NRXN3: variants seen among roughly 807,000 people sequenced by gnomAD.
NRXN3 encodes neurexin III.
A neutral mutation model predicts 137.6 loss-of-function variants in NRXN3; 32 were observed. That is an observed-to-expected ratio of 0.23 (90% CI 0.18 to 0.31). The LOEUF (loss-of-function observed/expected upper bound fraction) is 0.31, where lower values mean the gene tolerates loss of function less well. NRXN3 is among the 10% of genes least tolerant of loss of function. The probability of loss-of-function intolerance (pLI) is 1.00; values close to 1 mark genes in which losing one functional copy is unlikely to be tolerated. For missense variants in NRXN3, 1,574 were observed against 2,062.5 expected, an observed-to-expected ratio of 0.76 and a Z score of 4.59; for synonymous variants, 798 against 784.5, an observed-to-expected ratio of 1.02 and a Z score of -0.29.
intron 10 of NRXN3, among the ~76,000 whole-genome samples, chr14:78,921,879 T>TGAG (rs2099271808): frequency 6.6e-6 from 1 of 152,242 alleles, no homozygotes; most frequent in African/African-American, 2.4e-5. Context: ...ATTTGTAGTA[T>TGAG]GAGTTTCTTG....
intron 15 of NRXN3, among the ~76,000 whole-genome samples, chr14:79,342,655 G>T (rs2092671040): frequency 6.6e-6 from 1 of 152,156 alleles, no homozygotes; most frequent in Admixed American, 6.5e-5. Context: ...GTCCTACTCA[G>T]CTGCGTTATC....
Position 79,745,913 on chromosome 14 carries a change from C to T in NRXN3, c.4014+47976C>T, listed in dbSNP as rs561789184. The stretch of plus-strand genomic sequence containing the variant: ...TGTGCCCCTTTCTTCATATGGCTAT[C>T]TTCTTGTAAGACACTAGTTATATTG... On this transcript the variant is annotated intron_variant, in intron 19 of 20. Transcript: ENST00000335750. Among the ~76,000 whole-genome samples, 15 of 152,246 alleles carry T rather than the reference C, an allele frequency of 9.9e-5. No individual in the cohort carries two copies. In the East Asian group the frequency reaches 2.1e-3, roughly 22 times the overall value.
intron 15 of NRXN3, among the ~76,000 whole-genome samples, chr14:79,070,672 C>T (rs137906879): frequency 2.7e-3 from 406 of 152,116 alleles, no homozygotes; most frequent in Middle Eastern, 6.8e-3. Flanking sequence ...TTTGAATATC[C>T]CTCCCACTTC....
chr14:79,309,760 C>T (rs994070805), intron 15 of NRXN3, among the ~76,000 whole-genome samples: 9 of 149,230 alleles, frequency 6.0e-5, no homozygotes, highest in Admixed American at 2.0e-4. Flanking sequence ...ATGTCCTTCA[C>T]CCACTTTTTG....
intron 16 of NRXN3, among the ~76,000 whole-genome samples, chr14:79,518,703 T>A (rs1316687513): frequency 6.6e-6 from 1 of 152,192 alleles, no homozygotes; most frequent in African/African-American, 2.4e-5. Flanking sequence ...ATTTCTCTTG[T>A]TTAATTGCAT....
intron 4 of NRXN3, among the ~76,000 whole-genome samples, chr14:78,576,214 C>A (rs763131269): frequency 9.2e-5 from 14 of 152,082 alleles, no homozygotes; most frequent in Non-Finnish European, 1.9e-4. Context: ...CTGATCAGAC[C>A]TTTTCTCTTG....
At chr14:78,778,752 TTCTTTC>T (rs1378113228) in intron 8 of NRXN3, among the ~76,000 whole-genome samples, 7 of 123,452 alleles carry the variant, frequency 5.7e-5, no homozygotes, top group South Asian at 2.6e-4. Flanking sequence ...CTTTCTTTCC[TTCTTTC>T]TCTTTCTTTC....
At chr14:79,541,345 A>G (rs1429164479) in intron 16 of NRXN3, among the ~76,000 whole-genome samples, 1 of 152,172 alleles carries the variant, frequency 6.6e-6, no homozygotes, top group East Asian at 1.9e-4. Context: ...CGGAGGTTGC[A>G]GTGAGCCAAG....
intron 16 of NRXN3, among the ~76,000 whole-genome samples, chr14:79,473,373 A>G (rs1212333450): frequency 2.6e-5 from 4 of 152,132 alleles, no homozygotes; most frequent in African/African-American, 9.7e-5. Context: ...AAGCTGAATG[A>G]TGATGAATGG....
intron 1 of NRXN3, among the ~76,000 whole-genome samples, chr14:78,239,175 T>C (rs1278738929): frequency 2.0e-5 from 3 of 152,238 alleles, no homozygotes; most frequent in Non-Finnish European, 2.9e-5. Flanking sequence ...TCCAGCTCCA[T>C]GACGAGGCCC....
At chr14:78,385,567 G>A (rs2089849977) in intron 4 of NRXN3, among the ~76,000 whole-genome samples, 1 of 152,110 alleles carries the variant, frequency 6.6e-6, no homozygotes, top group African/African-American at 2.4e-5. Flanking sequence ...TATGATGAAT[G>A]TGCCTTATTT....
intron 4 of NRXN3, among the ~76,000 whole-genome samples, chr14:78,582,853 G>T (rs987240726): frequency 2.6e-5 from 4 of 152,170 alleles, no homozygotes; most frequent in African/African-American, 9.7e-5. Context: ...ATGCAAAGAA[G>T]GTCTTTGTTA....
At chr14:78,241,409 C>T (rs918244186) in intron 1 of NRXN3, among the ~76,000 whole-genome samples, 6 of 152,042 alleles carry the variant, frequency 3.9e-5, no homozygotes, top group African/African-American at 1.4e-4. Context: ...ATGGGGAGAT[C>T]AGAAGTTTGA....
chr14:79,091,049 A>G (rs1568257568), intron 15 of NRXN3, among the ~76,000 whole-genome samples: 1 of 149,352 alleles, frequency 6.7e-6, no homozygotes, highest in African/African-American at 2.5e-5. Flanking sequence ...GTGAGAAAAC[A>G]GTACCATATA....
intron 6 of NRXN3, among the ~76,000 whole-genome samples, chr14:78,665,839 G>A (rs1375994801): frequency 6.6e-6 from 1 of 152,146 alleles, no homozygotes; most frequent in Non-Finnish European, 1.5e-5. Context: ...GGCTGGATAT[G>A]TTGCTTTTCT....
intron 4 of NRXN3, among the ~76,000 whole-genome samples, chr14:78,537,535 A>G (rs1364694838): frequency 3.9e-5 from 6 of 152,186 alleles, no homozygotes; most frequent in Admixed American, 3.9e-4. Context: ...GTAGGTTGCA[A>G]AAATTTTCTC....
At position 79,794,324 on chromosome 14, in the gene NRXN3, G is replaced by A. The variant is rs184118502; in HGVS notation, c.4015-10788G>A. ...GGTTGCAGTGAGCCAAGATGGTACCGCTGCACTCCAGCCTGGGCGACAGAG... is the reference window on the plus strand; with the variant it reads ...GGTTGCAGTGAGCCAAGATGGTACCACTGCACTCCAGCCTGGGCGACAGAG... On this transcript the variant is annotated intron_variant, in intron 19 of 20. Transcript: ENST00000335750. Among the ~76,000 whole-genome samples the A allele has an allele frequency of 5.6e-3, 846 of 151,974 alleles. 10 individuals carry two copies. Among genetic ancestry groups the A allele is most frequent in the Admixed American group, 0.011 (173 of 15,276 alleles).
At chr14:79,753,966 T>C (rs2099008473) in intron 19 of NRXN3, among the ~76,000 whole-genome samples, 1 of 152,088 alleles carries the variant, frequency 6.6e-6, no homozygotes, top group African/African-American at 2.4e-5. Flanking sequence ...GCAGTTATAT[T>C]GTTTTAGGTA....
rs577382756 is a variant in NRXN3, at chr14:79,646,621, T to C, written c.3445-17157T>C. 5.8e-4 allele frequency among the ~76,000 whole-genome samples: 78 copies of C among 134,812 alleles called. 3 individuals carry two copies. Among genetic ancestry groups the C allele is most frequent in the African/African-American group, 1.8e-3 (72 of 40,778 alleles). 88.4% of individuals were successfully genotyped at this position (134,812 alleles called of 152,430 possible). A position where few individuals can be genotyped will look rare whatever the true frequency, so the allele number is the denominator to read the frequency against. On this transcript the variant is annotated intron_variant, in intron 16 of 20. Coordinates refer to ENST00000335750, the MANE Select transcript of NRXN3 (RefSeq NM_001330195.2). Reference sequence around the variant, plus strand: ...GTACCAACCTCCAAGTCACAAATCCTCTGTAGATGCCTGTGGATTGGCTTT... The same window carrying C: ...GTACCAACCTCCAAGTCACAAATCCCCTGTAGATGCCTGTGGATTGGCTTT...
Sources: gnomAD v4.1 joint callset for allele counts (sites outside exome capture counted in the v4.1 genomes callset) on GRCh38, gnomAD v4.1.1 for gene constraint, MANE v1.5 for transcripts, NCBI Gene and HGNC (gene_info 2026-07-23, HGNC 2026-07-21) for gene names.